Variants in GRIN2B observed in about 807,000 individuals in gnomAD.
GRIN2B encodes the protein glutamate receptor ionotropic, NMDA 2B.
Under a neutral mutation model 114.5 loss-of-function variants are expected in GRIN2B, and 5 were observed. The ratio of observed to expected loss-of-function variants is 0.04; its 90% CI spans 0.02 to 0.09. The LOEUF is 0.09. Ranked by LOEUF, GRIN2B falls within the 10% of genes least tolerant of loss-of-function variation. The pLI is 1.00. For missense variants in GRIN2B, 1,108 were observed against 1,943.5 expected (o/e 0.57, Z 8.08); for synonymous variants, 787 against 745.1 (o/e 1.06, Z -0.92).
At chr12:13,893,156 T>C (rs927090404) in intron 2 of GRIN2B, among the ~76,000 whole-genome samples, 1 of 152,212 alleles carries the variant, frequency 6.6e-6, no homozygotes, top group African/African-American at 2.4e-5. Context: ...GAACAGCCTT[T>C]GAATTACATC....
At chr12:13,706,225 G>A (rs1950358812) in intron 4 of GRIN2B, among the ~76,000 whole-genome samples, 1 of 152,086 alleles carries the variant, frequency 6.6e-6, no homozygotes, top group East Asian at 1.9e-4. Context: ...GAAATACACT[G>A]GAACTGGCAA....
chr12:13,963,350 C>G (rs1195633506), intron 2 of GRIN2B, among the ~76,000 whole-genome samples: 1 of 152,146 alleles, frequency 6.6e-6, no homozygotes, highest in Non-Finnish European at 1.5e-5. Context: ...AATGAACGCA[C>G]CCAGCTTCTG....
At chr12:13,828,305 T>C (rs1187462730) in intron 3 of GRIN2B, among the ~76,000 whole-genome samples, 1 of 152,224 alleles carries the variant, frequency 6.6e-6, no homozygotes, top group Non-Finnish European at 1.5e-5. Flanking sequence ...CTTTCTACTC[T>C]AGCTTAAGAG....
At chr12:13,699,865 G>A (rs1471771928) in intron 4 of GRIN2B, among the ~76,000 whole-genome samples, 2 of 148,824 alleles carry the variant, frequency 1.3e-5, no homozygotes, top group Non-Finnish European at 3.0e-5. Context: ...GGGATTACAG[G>A]CATGAGCCAC....
intron 4 of GRIN2B, among the ~76,000 whole-genome samples, chr12:13,715,476 A>G (rs2300256): frequency 0.39 from 59,018 of 151,752 alleles, 12,378 homozygotes; most frequent in Non-Finnish European, 0.48. Context: ...CTCTGTTCCT[A>G]ACTCTTAGGA....
At chr12:13,907,946 T>C (rs1041824035) in intron 2 of GRIN2B, among the ~76,000 whole-genome samples, 8 of 152,322 alleles carry the variant, frequency 5.3e-5, no homozygotes, top group East Asian at 1.9e-4. Flanking sequence ...AGTGCCTTAA[T>C]TGGAAATGCA....
chr12:13,547,696 T>C lies in GRIN2B; in HGVS notation c.*15087A>G, dbSNP rs916972955. On this transcript the variant is annotated 3_prime_UTR_variant, in exon 14 of 14. Coordinates refer to ENST00000609686, the MANE Select transcript of GRIN2B (RefSeq NM_000834.5). ...CCATCCAAAGGTGAACAGAAGACTC[T>C]GCAGAGCATAATGTTGCTATGGCTT... 1 of 152,116 alleles carries C rather than the reference T, an allele frequency of 6.6e-6. No individual in the cohort carries two copies. The highest frequency in any genetic ancestry group is 6.6e-5 in the Admixed American group (1 of 15,260). The allele number at this position is 152,116 out of a possible 1,614,324, so 9.4% of individuals were successfully genotyped here.
chr12:13,571,839 C>A lies in GRIN2B; in HGVS notation c.2136G>T (p.Arg712Ser). The change falls in exon 11 of 14, where the codon AGG becomes AGT. Residue 712 changes from arginine to serine, a missense_variant. This residue lies in a region of GRIN2B where 35 missense variants were observed against 194.7 expected (regional missense o/e 0.18). Transcript: ENST00000609686. ...GGGAGAGCAATGCATCATCTACACC[C>A]CTCTGGTTGAACTTTCCCATGTAGG... ...MHAYMGKFNQ[R>S]GVDDALLSLK... The A allele has an allele frequency of 6.2e-7, 1 of 1,614,098 alleles. No individual in the cohort carries two copies. Among genetic ancestry groups the A allele is most frequent in the Non-Finnish European group, 8.5e-7 (1 of 1,179,944 alleles).
intron 3 of GRIN2B, among the ~76,000 whole-genome samples, chr12:13,850,345 C>T (rs553138620): frequency 1.8e-4 from 27 of 152,190 alleles, no homozygotes; most frequent in African/African-American, 6.5e-4. Flanking sequence ...TCCCCCAATC[C>T]CCAGGGTTAT....
intron 2 of GRIN2B, among the ~76,000 whole-genome samples, chr12:13,939,171 T>C (rs1484882441): frequency 6.6e-6 from 1 of 152,198 alleles, no homozygotes. Flanking sequence ...AAAAATCTAG[T>C]TTTTAAAATT....
chr12:13,891,938 C>T (rs1356905892), intron 2 of GRIN2B, among the ~76,000 whole-genome samples: 1 of 152,144 alleles, frequency 6.6e-6, no homozygotes, highest in Non-Finnish European at 1.5e-5. Flanking sequence ...ACAAGCCTTG[C>T]CCTTTAGAAG....
At chr12:13,765,565 A>G (rs181145150) in intron 3 of GRIN2B, among the ~76,000 whole-genome samples, 1 of 152,210 alleles carries the variant, frequency 6.6e-6, no homozygotes, top group Non-Finnish European at 1.5e-5. Flanking sequence ...GTATGTAAAG[A>G]TTATTACTAA....
chr12:13,563,847 C>T lies in GRIN2B; in HGVS notation c.3391G>A (p.Asp1131Asn). 1.2e-6 allele frequency: 2 copies of T among 1,614,114 alleles called. No homozygotes were observed. Among genetic ancestry groups the T allele is most frequent in the Non-Finnish European group, 1.7e-6 (2 of 1,180,026 alleles). The change falls in exon 14 of 14, where the codon GAC becomes AAC. Residue 1131 changes from aspartate (D) to asparagine (N), a missense_variant. Physicochemically the swap from Asp to Asn is conservative, Grantham distance 23. This residue lies in a region of GRIN2B where 478 missense variants were observed against 506.0 expected (regional missense o/e 0.94). Transcript: ENST00000609686. Reference sequence around the variant, plus strand: ...GTTCGGAACTGGTCCAGGTAGAAGTCCCGTAGCCCTTCCTTGTCCCTGAAG... The same window carrying T: ...GTTCGGAACTGGTCCAGGTAGAAGTTCCGTAGCCCTTCCTTGTCCCTGAAG... ...RYFRDKEGLR[D>N]FYLDQFRTKE...
intron 4 of GRIN2B, among the ~76,000 whole-genome samples, chr12:13,712,727 T>TA (rs1378901573): frequency 2.6e-5 from 4 of 151,954 alleles, no homozygotes; most frequent in Non-Finnish European, 5.9e-5. Context: ...CAATCTTTTC[T>TA]ATCAACTTTT....
intron 3 of GRIN2B, among the ~76,000 whole-genome samples, chr12:13,759,728 T>G (rs1367710200): frequency 6.6e-6 from 1 of 152,188 alleles, no homozygotes; most frequent in Non-Finnish European, 1.5e-5. Flanking sequence ...AACCCCCTAG[T>G]CTAATGCTCA....
intron 2 of GRIN2B, among the ~76,000 whole-genome samples, chr12:13,932,337 A>C (rs1005662312): frequency 1.5e-4 from 23 of 152,124 alleles, no homozygotes; most frequent in African/African-American, 5.6e-4. Context: ...TAAACTCTCT[A>C]TATTTGTTGA....
At chr12:13,690,891 C>A (rs1402823040) in intron 4 of GRIN2B, among the ~76,000 whole-genome samples, 2 of 151,928 alleles carry the variant, frequency 1.3e-5, no homozygotes, top group Non-Finnish European at 2.9e-5. Flanking sequence ...TCTTTACTAA[C>A]GTAAATCATT....
In GRIN2B at chr12:13,558,009, A is replaced by G. The variant is rs1241498307; in HGVS notation, c.*4774T>C. ...GAAAAAGACCTTTTCAGGACCTTCA[A>G]CACACCATGGACCACATAGCATACA... On this transcript the variant is annotated 3_prime_UTR_variant, in exon 14 of 14. Transcript: ENST00000609686. 6.6e-6 allele frequency: 1 copy of G among 152,200 alleles called. No homozygotes were observed. The highest frequency in any genetic ancestry group is 1.5e-5 in the Non-Finnish European group (1 of 68,050). The allele number at this position is 152,200 out of a possible 1,614,324, so 9.4% of individuals were successfully genotyped here.
At chr12:13,825,977 C>T (rs775566950) in intron 3 of GRIN2B, among the ~76,000 whole-genome samples, 1 of 151,886 alleles carries the variant, frequency 6.6e-6, no homozygotes, top group Non-Finnish European at 1.5e-5. Context: ...ATGTTTGGCT[C>T]TAAATCATTT....
Sources: gnomAD v4.1 joint callset for allele counts (sites outside exome capture counted in the v4.1 genomes callset) on GRCh38, gnomAD v4.1.1 for gene constraint, gnomAD v4.1.1 regional missense constraint, MANE v1.5 for transcripts, NCBI Gene and HGNC (gene_info 2026-07-23, HGNC 2026-07-21) for gene names.